DIAPH3: variants seen among roughly 807,000 people sequenced by gnomAD.
DIAPH3 encodes diaphanous related formin 3, also known as protein diaphanous homolog 3.
A neutral mutation model predicts 144.3 loss-of-function variants in DIAPH3; 117 were observed. The observed-to-expected ratio is 0.81, with a 90% CI of 0.70 to 0.95. The LOEUF is 0.95. Among genes scored for constraint, DIAPH3 ranks in the 40% least tolerant of loss-of-function variants. The probability of loss-of-function intolerance (pLI) is 0.00; values close to 1 mark genes in which losing one functional copy is unlikely to be tolerated. For synonymous variants in DIAPH3, 519 were observed against 488.9 expected (o/e 1.06, Z -0.81); for missense variants, 1,421 against 1,412.7 (o/e 1.01, Z -0.09).
chr13:60,039,978 G>T (rs778589648), intron 5 of DIAPH3, among the ~76,000 whole-genome samples: 91 of 152,116 alleles, frequency 6.0e-4, no homozygotes, highest in Non-Finnish European at 9.1e-4. Flanking sequence ...GCTTACACCT[G>T]GAATCCCAGC....
chr13:59,731,679 T>A (rs75083375), intron 27 of DIAPH3, among the ~76,000 whole-genome samples: 288 of 152,282 alleles, frequency 1.9e-3, no homozygotes, highest in African/African-American at 6.5e-3. Context: ...CGTTGAGACA[T>A]AATTGCCATA....
At chr13:60,158,608 T>C (rs1001288263) in intron 1 of DIAPH3, among the ~76,000 whole-genome samples, 1 of 152,018 alleles carries the variant, frequency 6.6e-6, no homozygotes, top group African/African-American at 2.4e-5. Context: ...CAGGCAGAGG[T>C]TGCTTGAACC....
intron 24 of DIAPH3, among the ~76,000 whole-genome samples, chr13:59,825,269 C>T (rs574644314): frequency 1.6e-3 from 239 of 151,978 alleles, no homozygotes; most frequent in African/African-American, 5.4e-3. Context: ...TTCCCACCTA[C>T]GAGTGAGAAC....
chr13:59,800,234 A>G (rs1446589253), intron 25 of DIAPH3, among the ~76,000 whole-genome samples: 1 of 152,212 alleles, frequency 6.6e-6, no homozygotes. Context: ...CTCAGTTTCT[A>G]AGAATGGTAA....
At chr13:60,112,755 C>A (rs2058602656) in intron 2 of DIAPH3, among the ~76,000 whole-genome samples, 1 of 152,010 alleles carries the variant, frequency 6.6e-6, no homozygotes, top group Non-Finnish European at 1.5e-5. Context: ...ATCTACAGGG[C>A]AAAATGGTTA....
In DIAPH3 at chr13:59,992,313, A is replaced by T. The variant is rs538679256; in HGVS notation, c.1126-127T>A. 9.2e-5 allele frequency: 93 copies of T among 1,013,090 alleles called. No individual in the cohort carries two copies. In the South Asian group the frequency reaches 1.3e-3, roughly 15 times the overall value. 62.8% of individuals were successfully genotyped at this position (1,013,090 alleles called of 1,614,324 possible). A position where few individuals can be genotyped will look rare whatever the true frequency, so the allele number is the denominator to read the frequency against. On this transcript the variant is annotated intron_variant, in intron 10 of 27. Transcript: ENST00000400324. ...TAGCATTCGAACATTTAAAGTGTTA[A>T]ATAACACTCGAATCTTATCATCTAT... is the stretch of plus-strand genomic sequence containing the variant.
chr13:59,969,828 T>G, intron 17 of DIAPH3, 116 bp downstream of exon 17: 1 of 589,208 alleles, frequency 1.7e-6, no homozygotes, highest in Non-Finnish European at 2.9e-6. Flanking sequence ...CCATTAGGAA[T>G]GTAAAAATAA....
chr13:59,825,795 A>G (rs919195098), intron 24 of DIAPH3, among the ~76,000 whole-genome samples: 1 of 152,138 alleles, frequency 6.6e-6, no homozygotes, highest in Admixed American at 6.5e-5. Context: ...AGTGATGATG[A>G]GCATTTTTTC....
At chr13:60,152,884 TGCCTGGTTC>T (rs1156790483) in intron 1 of DIAPH3, among the ~76,000 whole-genome samples, 1 of 152,124 alleles carries the variant, frequency 6.6e-6, no homozygotes, top group Non-Finnish European at 1.5e-5. Context: ...GAAAAACATT[TGCCTGGTTC>T]AGGTACACAT....
chr13:60,000,770 C>T (rs566760253), intron 9 of DIAPH3, among the ~76,000 whole-genome samples: 18 of 152,270 alleles, frequency 1.2e-4, no homozygotes, highest in Non-Finnish European at 2.1e-4. Flanking sequence ...ATTATTTCTC[C>T]TCTCTGGACT....
At chr13:60,029,380 C>A (rs1311616030) in intron 5 of DIAPH3, among the ~76,000 whole-genome samples, 1 of 152,114 alleles carries the variant, frequency 6.6e-6, no homozygotes, top group Non-Finnish European at 1.5e-5. Flanking sequence ...CTCCTCCCTT[C>A]AATCAATTCT....
chr13:59,962,655 T>C (rs1198361207), intron 17 of DIAPH3, among the ~76,000 whole-genome samples: 1 of 152,072 alleles, frequency 6.6e-6, no homozygotes, highest in East Asian at 1.9e-4. Flanking sequence ...GGCTGAGAAT[T>C]TATCAGGTTT....
chr13:60,005,117 GTC>G (rs2052773353), intron 9 of DIAPH3, among the ~76,000 whole-genome samples: 1 of 152,190 alleles, frequency 6.6e-6, no homozygotes, highest in African/African-American at 2.4e-5. Flanking sequence ...CAACCTGAAT[GTC>G]TGTCGACTGA....
At chr13:59,817,338 T>C (rs564189822) in intron 24 of DIAPH3, among the ~76,000 whole-genome samples, 1 of 152,018 alleles carries the variant, frequency 6.6e-6, no homozygotes, top group South Asian at 2.1e-4. Flanking sequence ...ATCGATATAG[T>C]TTATTAATTT....
At chr13:60,045,298 C>T (rs1257358808) in intron 4 of DIAPH3, among the ~76,000 whole-genome samples, 4 of 151,802 alleles carry the variant, frequency 2.6e-5, no homozygotes, top group Non-Finnish European at 1.5e-5. Context: ...AGAGATCATG[C>T]CATTTTACTC....
intron 24 of DIAPH3, among the ~76,000 whole-genome samples, chr13:59,829,544 T>C (rs1013896244): frequency 6.6e-6 from 1 of 151,948 alleles, no homozygotes; most frequent in African/African-American, 2.4e-5. Flanking sequence ...TAGTTGCTAC[T>C]ATAAGGATTA....
intron 17 of DIAPH3, among the ~76,000 whole-genome samples, chr13:59,958,892 T>TTG (rs1479467060): frequency 2.7e-5 from 4 of 147,410 alleles, no homozygotes; most frequent in African/African-American, 1.0e-4. Flanking sequence ...TTTTTTTTTT[T>TTG]GAGATAGAGT....
intron 25 of DIAPH3, among the ~76,000 whole-genome samples, chr13:59,792,229 T>C (rs764087373): frequency 1.3e-5 from 2 of 152,158 alleles, no homozygotes; most frequent in Non-Finnish European, 2.9e-5. Context: ...CATGGGAATG[T>C]CTGCTTTCTC....
At chr13:59,858,175 T>C (rs952207478) in intron 22 of DIAPH3, among the ~76,000 whole-genome samples, 1 of 152,082 alleles carries the variant, frequency 6.6e-6, no homozygotes, top group African/African-American at 2.4e-5. Context: ...AGAGAAGATC[T>C]AGGGAGAAAA....
Sources: gnomAD v4.1 joint callset for allele counts (sites outside exome capture counted in the v4.1 genomes callset) on GRCh38, gnomAD v4.1.1 for gene constraint, MANE v1.5 for transcripts, NCBI Gene and HGNC (gene_info 2026-07-23, HGNC 2026-07-21) for gene names.